SYNGR1: variants seen among roughly 807,000 people sequenced by gnomAD.
SYNGR1 encodes synaptogyrin-1.
Under a neutral mutation model 26.1 loss-of-function variants are expected in SYNGR1, and 14 were observed. The observed-to-expected ratio is 0.54, with a 90% CI of 0.35 to 0.84. SYNGR1 has a LOEUF of 0.84. SYNGR1 is among the 40% of genes least tolerant of loss of function. The pLI is 0.01. For synonymous variants in SYNGR1, 141 were observed against 150.1 expected (o/e 0.94, Z 0.44); for missense variants, 319 against 332.9 (o/e 0.96, Z 0.33).
rs748809456 is a variant in SYNGR1 at position 39,350,025 on chromosome 22, G to C, written c.15G>C (p.Ala5=). ...GTGCAGCCACGATGGAAGGGGGTGC[G>C]TACGGAGCGGGCAAAGCCGGGGGCG... MEGG[A]YGAGKAGGAF... Residue 5 remains alanine (A), a synonymous_variant, in exon 1 of 4, where the codon GCG becomes GCC. Transcript: ENST00000328933. The surrounding 1 kb of genome is among the most constrained non-coding windows in gnomAD (Gnocchi z 4.3). The C allele has an allele frequency of 1.1e-5, 15 of 1,375,924 alleles. No individual in the cohort carries two copies. Among genetic ancestry groups the C allele is most frequent in the African/African-American group, 1.5e-5 (1 of 66,518 alleles). 85.2% of individuals were successfully genotyped at this position (1,375,924 alleles called of 1,614,324 possible). A position where few individuals can be genotyped will look rare whatever the true frequency, so the allele number is the denominator to read the frequency against.
At position 39,362,526 on chromosome 22, in the gene SYNGR1, G is replaced by A. The variant is rs538407479; in HGVS notation, c.100-11790G>A. 2.5e-3 allele frequency among the ~76,000 whole-genome samples: 385 copies of A among 152,182 alleles called. 1 individual carries two copies. The highest frequency in any genetic ancestry group is 8.8e-3 in the African/African-American group (364 of 41,512). ...CCCAACACCCATCATGTGTCCATGC[G>A]GCTTCAGCCATTTTCCTCACTTGAC... On this transcript the variant is annotated intron_variant, in intron 1 of 3. Transcript: ENST00000328933.
Position 39,358,872 on chromosome 22 carries a change from T to TA in SYNGR1, c.99+8764dup, listed in dbSNP as rs1038177279. On this transcript the variant is annotated intron_variant, in intron 1 of 3. Transcript: ENST00000328933. ...TCTGGGACAAACGTCCCTTCACAGA[T>TA]AGAGTTTTGCTCATCTCCCCGCTGC... Among the ~76,000 whole-genome samples, 36 of 152,342 alleles carry TA rather than the reference T, an allele frequency of 2.4e-4. No individual in the cohort carries two copies. In the East Asian group the frequency reaches 4.6e-3, roughly 20 times the overall value.
intron 1 of SYNGR1, among the ~76,000 whole-genome samples, chr22:39,363,498 A>C (rs1352213578): frequency 6.6e-6 from 1 of 151,856 alleles, no homozygotes. Flanking sequence ...TCGAGTATGA[A>C]CCCAGGACTG....
rs1375142344 is a variant in SYNGR1 at position 39,383,390 on chromosome 22, A to C, written c.*1476A>C. 6.6e-6 allele frequency: 1 copy of C among 152,504 alleles called. No homozygotes were observed. Among genetic ancestry groups the C allele is most frequent in the African/African-American group, 2.4e-5 (1 of 41,474 alleles). 9.4% of individuals were successfully genotyped at this position (152,504 alleles called of 1,614,324 possible). ...TAGGGGAGAGTGTGGCAGGTGACCC[A>C]AAGGCCCAAAGAGGGCCGTGGGGCC... On this transcript the variant is annotated 3_prime_UTR_variant, in exon 4 of 4. Coordinates refer to ENST00000328933, the MANE Select transcript of SYNGR1 (RefSeq NM_004711.5).
At chr22:39,369,228 T>C (rs1339646511) in intron 1 of SYNGR1, among the ~76,000 whole-genome samples, 1 of 152,172 alleles carries the variant, frequency 6.6e-6, no homozygotes, top group East Asian at 1.9e-4. Context: ...AGTACACCAG[T>C]GCAAGGGGTT....
chr22:39,352,314 G>T (rs974943041), intron 1 of SYNGR1, among the ~76,000 whole-genome samples: 10 of 152,210 alleles, frequency 6.6e-5, no homozygotes, highest in Admixed American at 2.0e-4. Flanking sequence ...TCTGATACAG[G>T]CTGATTGACA....
chr22:39,361,436 G>A (rs1316045795), intron 1 of SYNGR1, among the ~76,000 whole-genome samples: 1 of 143,678 alleles, frequency 7.0e-6, no homozygotes, highest in Non-Finnish European at 1.5e-5. Context: ...CCAACTCACT[G>A]CAACCTCCAC....
At chr22:39,364,055 G>T in intron 1 of SYNGR1, 1 of 1,413,896 alleles carries the variant, frequency 7.1e-7, no homozygotes, top group Non-Finnish European at 9.7e-7. Context: ...GTTAGCCGAC[G>T]CCCTGCAGTG....
chr22:39,358,968 T>C (rs12158538), intron 1 of SYNGR1, among the ~76,000 whole-genome samples: 71 of 152,374 alleles, frequency 4.7e-4, no homozygotes, highest in African/African-American at 1.6e-3. Flanking sequence ...AGCCCCAAGC[T>C]GTCAAACCCA....
At chr22:39,379,405 A>C (rs534143105) in intron 3 of SYNGR1, among the ~76,000 whole-genome samples, 1 of 152,310 alleles carries the variant, frequency 6.6e-6, no homozygotes, top group African/African-American at 2.4e-5. Context: ...AGGCCAAGGC[A>C]GGCGGATCAC....
At chr22:39,369,147 T>C (rs1924904647) in intron 1 of SYNGR1, among the ~76,000 whole-genome samples, 2 of 152,216 alleles carry the variant, frequency 1.3e-5, no homozygotes, top group Non-Finnish European at 2.9e-5. Context: ...TGGTGGCATC[T>C]GGTGACATCC....
chr22:39,370,435 C>G (rs5757644), intron 1 of SYNGR1, among the ~76,000 whole-genome samples: 85,517 of 151,800 alleles, frequency 0.56, 26,434 homozygotes, highest in East Asian at 0.95. Flanking sequence ...TGGCCTATAC[C>G]CAGCTAATTT....
At chr22:39,381,042 T>G (rs943660530) in intron 3 of SYNGR1, among the ~76,000 whole-genome samples, 4 of 152,208 alleles carry the variant, frequency 2.6e-5, no homozygotes, top group African/African-American at 9.6e-5. Flanking sequence ...CTTGATCTCC[T>G]GGCCTCAAGC....
chr22:39,363,089 G>A (rs953554596), intron 1 of SYNGR1, among the ~76,000 whole-genome samples: 2 of 152,152 alleles, frequency 1.3e-5, no homozygotes, highest in Non-Finnish European at 2.9e-5. Context: ...GCTGAAGGAA[G>A]ATCTGGAGAA....
chr22:39,364,393 T>A, intron 1 of SYNGR1: 1 of 1,591,746 alleles, frequency 6.3e-7, no homozygotes. Flanking sequence ...GACTGCTTTG[T>A]GGGGATGATT....
chr22:39,352,110 G>C lies in SYNGR1; in HGVS notation c.99+2001G>C, dbSNP rs185479191. ...ATGTAAGTGGCAGACGAGCATTTGA[G>C]CCTAGGTCTTCCTGTCTCCAAAGAG... On this transcript the variant is annotated intron_variant, in intron 1 of 3. Transcript: ENST00000328933. Among the ~76,000 whole-genome samples the C allele has an allele frequency of 1.8e-3, 281 of 152,316 alleles. 4 individuals are homozygous for C. The highest frequency in any genetic ancestry group is 8.7e-4 in the Non-Finnish European group (59 of 68,026).
At chr22:39,362,416 C>CA (rs57299260) in intron 1 of SYNGR1, among the ~76,000 whole-genome samples, 132,102 of 151,478 alleles carry the variant, frequency 0.87, 57,660 homozygotes, top group East Asian at 0.98. Context: ...CGGTGTGAGG[C>CA]GGGGTGGGGG....
intron 1 of SYNGR1, among the ~76,000 whole-genome samples, chr22:39,373,521 C>A (rs1292070168): frequency 6.6e-6 from 1 of 150,658 alleles, no homozygotes; most frequent in Non-Finnish European, 1.5e-5. Context: ...CTCTCTCTGT[C>A]ACCCAGGCTG....
At chr22:39,367,113 C>T (rs1254986991) in intron 1 of SYNGR1, among the ~76,000 whole-genome samples, 2 of 152,240 alleles carry the variant, frequency 1.3e-5, no homozygotes, top group Non-Finnish European at 2.9e-5. Flanking sequence ...CAGTCCGCCT[C>T]CTCTTGCCCT....
Sources: gnomAD v4.1 joint callset for allele counts (sites outside exome capture counted in the v4.1 genomes callset) on GRCh38, gnomAD v4.1.1 for gene constraint, Gnocchi (gnomAD v3.1) non-coding constraint, MANE v1.5 for transcripts, NCBI Gene and HGNC (gene_info 2026-07-23, HGNC 2026-07-21) for gene names.